Variants in CACNG2 observed in about 807,000 individuals in gnomAD.
The protein encoded by CACNG2 is voltage-dependent calcium channel gamma-2 subunit.
CACNG2 carries 3 observed loss-of-function variants against 25.9 expected under a neutral mutation model. The observed-to-expected ratio is 0.12, with a 90% CI of 0.05 to 0.30. The LOEUF is 0.30. CACNG2 is among the 10% of genes least tolerant of loss of function. CACNG2 has a pLI of 1.00. For synonymous variants in CACNG2, 167 were observed against 173.3 expected, an observed-to-expected ratio of 0.96 and a Z score of 0.29; for missense variants, 341 against 432.5, an observed-to-expected ratio of 0.79 and a Z score of 1.88.
Position 36,564,548 on chromosome 22 carries a change from C to G in CACNG2, c.775G>C (p.Gly259Arg). ...SRDASPVGIK[G>R]FNTLPSTEIS... ...TCCGTGGACGGCAGGGTGTTGAAGC[C>G]CTTGATGCCCACGGGGGAGGCGTCC... Residue 259 changes from glycine to arginine, a missense_variant, in exon 4 of 4, where the codon GGC becomes CGC. Gly to Arg is a moderately radical substitution (Grantham distance 125). Transcript: ENST00000300105. The surrounding 1 kb of genome is among the most constrained non-coding windows in gnomAD (Gnocchi z 6.7). The G allele has an allele frequency of 6.2e-7, 1 of 1,614,010 alleles. No individual in the cohort carries two copies. Among genetic ancestry groups the G allele is most frequent in the Non-Finnish European group, 8.5e-7 (1 of 1,179,984 alleles).
At chr22:36,631,031 A>T (rs1197213246) in intron 1 of CACNG2, among the ~76,000 whole-genome samples, 2 of 152,072 alleles carry the variant, frequency 1.3e-5, no homozygotes, top group Non-Finnish European at 2.9e-5. Flanking sequence ...GGGTTTCACT[A>T]TGTTGGCCAG....
chr22:36,605,364 C>A (rs1046605434), intron 1 of CACNG2, among the ~76,000 whole-genome samples: 1 of 152,218 alleles, frequency 6.6e-6, no homozygotes, highest in Non-Finnish European at 1.5e-5. Flanking sequence ...CATGAGCCAC[C>A]ATGCCCGGCC....
chr22:36,645,536 C>CAAAAAAAAAAAAAAAAAAAAAA (rs200600420), intron 1 of CACNG2, among the ~76,000 whole-genome samples: 1 of 134,760 alleles, frequency 7.4e-6, no homozygotes, highest in Non-Finnish European at 1.6e-5. Flanking sequence ...GACTCTGTCT[C>CAAAAAAAAAAAAAAAAAAAAAA]AAAAAAAAAA....
intron 1 of CACNG2, among the ~76,000 whole-genome samples, chr22:36,640,357 G>A (rs1936424212): frequency 6.6e-6 from 1 of 152,232 alleles, no homozygotes. Context: ...GAGATTACAA[G>A]GGCCCAGAAA....
At position 36,576,419 on chromosome 22, in the gene CACNG2, G is replaced by A. The variant is rs111436461; in HGVS notation, c.296-9926C>T. ...ATGAGGTATAAAAGGCTACAAATTG[G>A]GTTCATTGTGTCCTGCTTGGATGAT... On this transcript the variant is annotated intron_variant, in intron 2 of 3. Transcript: ENST00000300105. Among the ~76,000 whole-genome samples, 247 of 152,100 alleles carry A rather than the reference G, an allele frequency of 1.6e-3. 2 individuals are homozygous for A. The highest frequency in any genetic ancestry group is 3.3e-3 in the African/African-American group (137 of 41,470).
At chr22:36,569,614 A>G (rs1935190386) in intron 2 of CACNG2, among the ~76,000 whole-genome samples, 1 of 152,144 alleles carries the variant, frequency 6.6e-6, no homozygotes, top group East Asian at 1.9e-4. Context: ...ATCTTGACTC[A>G]CTGCAACCTC....
intron 1 of CACNG2, among the ~76,000 whole-genome samples, chr22:36,617,248 G>C (rs745533682): frequency 6.6e-6 from 1 of 152,178 alleles, no homozygotes; most frequent in Admixed American, 6.5e-5. Context: ...TATCTGGATA[G>C]ATGTTCCTTG....
intron 1 of CACNG2, among the ~76,000 whole-genome samples, chr22:36,607,709 G>A (rs1270542680): frequency 6.6e-6 from 1 of 152,110 alleles, no homozygotes; most frequent in Non-Finnish European, 1.5e-5. Context: ...CCCATTTCCA[G>A]GCCAAAGACA....
intron 1 of CACNG2, among the ~76,000 whole-genome samples, chr22:36,639,408 C>T (rs915549315): frequency 6.6e-6 from 1 of 152,050 alleles, no homozygotes; most frequent in Non-Finnish European, 1.5e-5. Flanking sequence ...GAGGGGAAAG[C>T]GTTTTGGGTA....
At chr22:36,586,334 G>A (rs1214873435) in intron 2 of CACNG2, among the ~76,000 whole-genome samples, 1 of 152,198 alleles carries the variant, frequency 6.6e-6, no homozygotes, top group Non-Finnish European at 1.5e-5. Flanking sequence ...TGGCCTTTTA[G>A]GAATTCCAGT....
intron 1 of CACNG2, among the ~76,000 whole-genome samples, chr22:36,673,565 C>T (rs536604596): frequency 2.2e-4 from 34 of 152,136 alleles, no homozygotes; most frequent in Non-Finnish European, 8.8e-5. Flanking sequence ...TCAGGGGCAC[C>T]GCAGGCAGGA....
intron 1 of CACNG2, among the ~76,000 whole-genome samples, chr22:36,600,504 C>T (rs1235604413): frequency 6.6e-6 from 1 of 150,666 alleles, no homozygotes; most frequent in African/African-American, 2.4e-5. Context: ...ATGAACATAA[C>T]CTGTACAAGT....
At chr22:36,566,306 C>A (rs2267338) in intron 3 of CACNG2, 47 bp downstream of exon 3, 1 of 1,605,996 alleles carries the variant, frequency 6.2e-7, no homozygotes, top group East Asian at 2.2e-5. Flanking sequence ...TGAGCACCCA[C>A]ACCCCAGCCT....
At chr22:36,569,835 C>T (rs1050470442) in intron 2 of CACNG2, among the ~76,000 whole-genome samples, 6 of 152,198 alleles carry the variant, frequency 3.9e-5, no homozygotes, top group Middle Eastern at 3.2e-3. Context: ...CCACCGCGCC[C>T]GGCCGTTAGA....
intron 1 of CACNG2, among the ~76,000 whole-genome samples, chr22:36,670,685 G>A (rs1027388253): frequency 7.2e-5 from 11 of 151,946 alleles, no homozygotes; most frequent in Non-Finnish European, 1.0e-4. Context: ...AGGCTGGAGT[G>A]CAGAGGCATG....
At chr22:36,647,650 C>G (rs1360560884) in intron 1 of CACNG2, among the ~76,000 whole-genome samples, 2 of 152,108 alleles carry the variant, frequency 1.3e-5, no homozygotes, top group Non-Finnish European at 2.9e-5. Flanking sequence ...CTCTAGCTAC[C>G]CTGCCTTTCT....
intron 1 of CACNG2, among the ~76,000 whole-genome samples, chr22:36,685,414 A>G (rs1937182855): frequency 6.6e-6 from 1 of 151,654 alleles, no homozygotes; most frequent in African/African-American, 2.4e-5. Flanking sequence ...CATCCTTACC[A>G]TGGACCCACC....
chr22:36,699,995 C>T (rs73154809), intron 1 of CACNG2, among the ~76,000 whole-genome samples: 6,467 of 152,344 alleles, frequency 0.042, 286 homozygotes, highest in Admixed American at 0.14. Flanking sequence ...AAAGCGGGCC[C>T]GGAGCTCCAG....
chr22:36,654,321 G>A (rs1451414050), intron 1 of CACNG2, among the ~76,000 whole-genome samples: 3 of 152,012 alleles, frequency 2.0e-5, no homozygotes, highest in East Asian at 1.9e-4. Context: ...GCTGGAGTGC[G>A]GTGGCTTGAT....
Sources: allele counts gnomAD v4.1 joint callset (sites outside exome capture counted in the v4.1 genomes callset), GRCh38; gene constraint gnomAD v4.1.1; non-coding constraint Gnocchi (gnomAD v3.1); transcripts MANE v1.5; gene names NCBI Gene and HGNC (gene_info 2026-07-23, HGNC 2026-07-21).